CRLF3: variants seen among roughly 807,000 people sequenced by gnomAD.
CRLF3 encodes cytokine receptor-like factor 3.
CRLF3 carries 33 observed loss-of-function variants against 55.0 expected under a neutral mutation model. That is an observed-to-expected ratio of 0.60 (90% CI 0.46 to 0.80). The LOEUF (loss-of-function observed/expected upper bound fraction) is 0.80. Among genes scored for constraint, CRLF3 ranks in the 30% least tolerant of loss-of-function variants. The pLI is 0.00. For synonymous variants in CRLF3, 238 were observed against 196.8 expected (o/e 1.21, Z -1.75); for missense variants, 494 against 538.4 (o/e 0.92, Z 0.82).
rs142173100 is a variant in CRLF3, at chr17:30,798,353, G to A, written c.338-955C>T. Among the ~76,000 whole-genome samples, 55 of 151,752 alleles carry A rather than the reference G, an allele frequency of 3.6e-4. 2 individuals carry two copies. In the East Asian group the frequency reaches 0.011, roughly 29 times the overall value. On this transcript the variant is annotated intron_variant, in intron 2 of 7. Transcript: ENST00000324238. ...AGATCACGCCACTGCACTCCAGCCT[G>A]GGCAAAAGAGCGAGACTCCGTCCCC...
chr17:30,814,861 T>G (rs913701243), intron 1 of CRLF3, among the ~76,000 whole-genome samples: 2 of 151,050 alleles, frequency 1.3e-5, no homozygotes, highest in African/African-American at 4.9e-5. Flanking sequence ...ATTAGCCGGG[T>G]GTGGTGGCAC....
At chr17:30,793,324 A>G (rs1971853589) in intron 5 of CRLF3, 126 bp downstream of exon 5, 1 of 690,112 alleles carries the variant, frequency 1.4e-6, no homozygotes, top group Admixed American at 2.8e-5. Flanking sequence ...GACATGGTGC[A>G]TGTTGTTCTT....
rs376250486 is a variant in CRLF3, at chr17:30,792,428, A to G, written c.959+12T>C. 3.1e-5 allele frequency: 49 copies of G among 1,599,108 alleles called. No individual in the cohort carries two copies. Among genetic ancestry groups the G allele is most frequent in the Non-Finnish European group, 4.0e-5 (47 of 1,167,422 alleles). On this transcript the variant is annotated intron_variant, in intron 6 of 7. Coordinates refer to ENST00000324238, the MANE Select transcript of CRLF3 (RefSeq NM_015986.4). The stretch of plus-strand genomic sequence containing the variant: ...TTCCTGAGGCAGGTGAGATGTTTTA[A>G]TATCTACTTGCCTGAATGTTAATGT...
At chr17:30,807,517 C>CTTTTTTTTT (rs778842582) in intron 1 of CRLF3, among the ~76,000 whole-genome samples, 21 of 62,970 alleles carry the variant, frequency 3.3e-4, no homozygotes, top group African/African-American at 7.6e-4. Flanking sequence ...ATTTTCTTTC[C>CTTTTTTTTT]TTTTTTTTTT....
chr17:30,794,058 TCC>T (rs1199136711), intron 4 of CRLF3, among the ~76,000 whole-genome samples: 1 of 152,080 alleles, frequency 6.6e-6, no homozygotes, highest in African/African-American at 2.4e-5. Context: ...GATCTTTAAC[TCC>T]TGAGCTCAAG....
intron 7 of CRLF3, among the ~76,000 whole-genome samples, chr17:30,785,372 G>A (rs1971618323): frequency 6.6e-6 from 1 of 151,996 alleles, no homozygotes; most frequent in African/African-American, 2.4e-5. Flanking sequence ...ACCGCGCCCG[G>A]CCTCTGGCTA....
At chr17:30,818,334 A>G (rs1246921752) in intron 1 of CRLF3, among the ~76,000 whole-genome samples, 2 of 152,174 alleles carry the variant, frequency 1.3e-5, no homozygotes, top group Non-Finnish European at 2.9e-5. Context: ...ATACTATAAT[A>G]GGGACACTTT....
chr17:30,788,149 A>G (rs1034624589), intron 6 of CRLF3, among the ~76,000 whole-genome samples: 3 of 151,414 alleles, frequency 2.0e-5, no homozygotes, highest in African/African-American at 4.9e-5. Flanking sequence ...TAACACGGTG[A>G]AACCCCGTCT....
intron 1 of CRLF3, among the ~76,000 whole-genome samples, chr17:30,810,896 T>C (rs1413040157): frequency 1.3e-5 from 2 of 152,246 alleles, no homozygotes; most frequent in African/African-American, 2.4e-5. Flanking sequence ...AAGACCAGCC[T>C]GGGCAACATG....
rs891929668 is a variant in CRLF3, at chr17:30,783,844, AAAT to A, written c.*340_*342del. 6 of 191,078 alleles carry A rather than the reference AAAT, an allele frequency of 3.1e-5. No individual in the cohort carries two copies. Among genetic ancestry groups the A allele is most frequent in the African/African-American group, 7.1e-5 (3 of 42,206 alleles). 11.8% of individuals were successfully genotyped at this position (191,078 alleles called of 1,614,324 possible). ...CTTGGATCCTTTAAGATGATTTTAA[AAAT>A]AATATTACATTAAGTTTTCCTGGTC... On this transcript the variant is annotated 3_prime_UTR_variant, in exon 8 of 8. Coordinates refer to ENST00000324238, the MANE Select transcript of CRLF3 (RefSeq NM_015986.4).
chr17:30,785,983 A>G lies in CRLF3; in HGVS notation c.1008T>C (p.Cys336=). The G allele has an allele frequency of 5.6e-6, 9 of 1,613,386 alleles. No individual in the cohort carries two copies. Among genetic ancestry groups the G allele is most frequent in the Non-Finnish European group, 7.6e-6 (9 of 1,179,420 alleles). Residue 336 remains cysteine, a synonymous_variant, in exon 7 of 8, where the codon TGT becomes TGC. Coordinates refer to ENST00000324238, the MANE Select transcript of CRLF3 (RefSeq NM_015986.4). Reference sequence around the variant, plus strand: ...AGTCATATCCATCCTGTTTTTCTGCACACACTCCTATGCTATCTCTTCTGT... The same window carrying G: ...AGTCATATCCATCCTGTTTTTCTGCGCACACTCCTATGCTATCTCTTCTGT... The part of the protein sequence containing the change: ...QPDRRDSIGV[C]AEKQDGYDSL...
chr17:30,814,761 G>A (rs1219628613), intron 1 of CRLF3, among the ~76,000 whole-genome samples: 1 of 152,074 alleles, frequency 6.6e-6, no homozygotes, highest in Admixed American at 6.6e-5. Context: ...CAGCACTTTG[G>A]GAGCTCGAGG....
intron 5 of CRLF3, chr17:30,792,812 TA>T: frequency 3.9e-6 from 1 of 253,962 alleles, no homozygotes. Context: ...TCTTATCTAA[TA>T]AAATCATTGT....
intron 1 of CRLF3, among the ~76,000 whole-genome samples, chr17:30,812,862 G>A (rs905943042): frequency 2.0e-5 from 3 of 152,146 alleles, no homozygotes; most frequent in Admixed American, 2.0e-4. Context: ...AGACAGGAAG[G>A]TGAAAAGGCA....
Position 30,792,474 on chromosome 17 carries a change from G to A in CRLF3, c.925C>T (p.Pro309Ser), listed in dbSNP as rs1030051519. Reference sequence around the variant, plus strand: ...AATGTCTGCCCACAGAAATAAGTCGGAGCTCTGGAGTAGAGAACACCCGAT... The same window carrying A: ...AATGTCTGCCCACAGAAATAAGTCGAAGCTCTGGAGTAGAGAACACCCGAT... Reference protein sequence around the residue: ...ESSGVLYSRAPTYFCGQTLTF... With the variant: ...ESSGVLYSRASTYFCGQTLTF... The change falls in exon 6 of 8, where the codon CCG becomes TCG. Residue 309 changes from proline (P) to serine (S), a missense_variant. Transcript: ENST00000324238. 6.2e-7 allele frequency: 1 copy of A among 1,612,264 alleles called. No individual in the cohort carries two copies. Among genetic ancestry groups the A allele is most frequent in the East Asian group, 2.2e-5 (1 of 44,820 alleles).
In CRLF3 at chr17:30,793,615, T is replaced by G. The variant is rs757822057; in HGVS notation, c.661A>C (p.Asn221His). The G allele has an allele frequency of 1.9e-6, 3 of 1,614,138 alleles. No individual in the cohort carries two copies. The highest frequency in any genetic ancestry group is 1.7e-5 in the Admixed American group (1 of 60,006). ...YRLQFRKCTSNHFEDVYVGSE... is the reference protein window; with the variant it reads ...YRLQFRKCTSHHFEDVYVGSE... Reference sequence around the variant, plus strand: ...CCTACATATACATCCTCAAAATGATTTGAAGTACATTTACGAAACTGGAGC... The same window carrying G: ...CCTACATATACATCCTCAAAATGATGTGAAGTACATTTACGAAACTGGAGC... The change falls in exon 5 of 8, where the codon AAT becomes CAT. Residue 221 changes from asparagine to histidine, a missense_variant. By Grantham distance (68) the Asn-to-His change is moderately conservative. Transcript: ENST00000324238.
intron 6 of CRLF3, among the ~76,000 whole-genome samples, chr17:30,788,642 CTG>C (rs1359120361): frequency 8.2e-6 from 1 of 122,126 alleles, no homozygotes; most frequent in East Asian, 2.7e-4. Context: ...GCATCTCACT[CTG>C]TTGCCCCGGC....
intron 1 of CRLF3, among the ~76,000 whole-genome samples, 171 bp from the exon 2 acceptor site, chr17:30,804,279 G>C (rs938362434): frequency 2.6e-5 from 4 of 152,102 alleles, no homozygotes; most frequent in African/African-American, 9.7e-5. Context: ...CATATACATA[G>C]TGAACTGTTA....
chr17:30,783,457 A>T lies in CRLF3; in HGVS notation c.*730T>A, dbSNP rs1971548726. 6.6e-6 allele frequency: 1 copy of T among 152,142 alleles called. No individual in the cohort carries two copies. The highest frequency in any genetic ancestry group is 2.4e-5 in the African/African-American group (1 of 41,428). The allele number at this position is 152,142 out of a possible 1,614,324, so 9.4% of individuals were successfully genotyped here. ...CATGGTGAAACCCTGTCTCTACTAA[A>T]AATACAAAAATTAGCCAGGTGTGGT... On this transcript the variant is annotated 3_prime_UTR_variant, in exon 8 of 8. Transcript: ENST00000324238.
Sources: allele counts gnomAD v4.1 joint callset (sites outside exome capture counted in the v4.1 genomes callset), GRCh38; gene constraint gnomAD v4.1.1; transcripts MANE v1.5; gene names NCBI Gene and HGNC (gene_info 2026-07-23, HGNC 2026-07-21).